ESRRG: variants seen among roughly 807,000 people sequenced by gnomAD.
ESRRG encodes estrogen related receptor gamma.
A neutral mutation model predicts 44.0 loss-of-function variants in ESRRG; 13 were observed. That is an observed-to-expected ratio of 0.30 (90% CI 0.19 to 0.47). The LOEUF is 0.47. Among genes scored for constraint, ESRRG ranks in the 20% least tolerant of loss-of-function variants. The pLI is 1.00. For synonymous variants in ESRRG, 215 were observed against 214.6 expected, an observed-to-expected ratio of 1.00 and a Z score of -0.02; for missense variants, 395 against 580.6, an observed-to-expected ratio of 0.68 and a Z score of 3.29.
chr1:217,113,820 T>C (rs898443603), intron 1 of ESRRG, among the ~76,000 whole-genome samples: 1 of 152,032 alleles, frequency 6.6e-6, no homozygotes, highest in Admixed American at 6.6e-5. Flanking sequence ...TGAGACTTCA[T>C]CTCTACAAAA....
chr1:216,780,999 T>C (rs2093913502), intron 2 of ESRRG, among the ~76,000 whole-genome samples: 1 of 152,072 alleles, frequency 6.6e-6, no homozygotes, highest in Non-Finnish European at 1.5e-5. Context: ...AATTTCAAAA[T>C]AAATAATTTT....
chr1:216,733,078 A>T (rs756319033), intron 2 of ESRRG, among the ~76,000 whole-genome samples: 9,464 of 152,152 alleles, frequency 0.062, 367 homozygotes, highest in African/African-American at 0.091. Flanking sequence ...AAAAAAAAAA[A>T]AATTCAACTT....
intron 2 of ESRRG, among the ~76,000 whole-genome samples, chr1:216,673,661 T>C (rs1028836878): frequency 5.2e-5 from 8 of 152,396 alleles, no homozygotes; most frequent in Non-Finnish European, 5.9e-5. Flanking sequence ...TTCTAATTAT[T>C]GCTCAGTAAA....
chr1:217,029,708 C>T (rs1361325148), intron 1 of ESRRG, among the ~76,000 whole-genome samples: 2 of 152,092 alleles, frequency 1.3e-5, no homozygotes, highest in African/African-American at 4.8e-5. Flanking sequence ...CAGAAACAAT[C>T]TATTCTAGGG....
chr1:216,679,210 A>T (rs2076605739), intron 1 of ESRRG, among the ~76,000 whole-genome samples: 1 of 152,166 alleles, frequency 6.6e-6, no homozygotes, highest in South Asian at 2.1e-4. Context: ...GAAAGAAAAA[A>T]ATATCCCCCT....
chr1:216,577,190 C>T lies in ESRRG; in HGVS notation c.590-9092G>A, dbSNP rs149213116. Among the ~76,000 whole-genome samples, 1,471 of 150,828 alleles carry T rather than the reference C, an allele frequency of 9.8e-3. 11 individuals are homozygous for T. Among genetic ancestry groups the T allele is most frequent in the Middle Eastern group, 0.014 (4 of 292 alleles). Reference sequence around the variant, plus strand: ...GAGGGAGAGAGAGAGAGAGAGAGAACGAGAATGAGAAGATGCTTGGCCTGC... The same window carrying T: ...GAGGGAGAGAGAGAGAGAGAGAGAATGAGAATGAGAAGATGCTTGGCCTGC... On this transcript the variant is annotated intron_variant, in intron 3 of 6. Transcript: ENST00000408911.
At chr1:216,534,360 G>T (rs1321970299) in intron 5 of ESRRG, among the ~76,000 whole-genome samples, 11 of 152,098 alleles carry the variant, frequency 7.2e-5, no homozygotes, top group Admixed American at 6.5e-4. Context: ...ATATCCTAAT[G>T]TCTATTTCAG....
At chr1:216,648,442 C>T (rs566933945) in intron 3 of ESRRG, among the ~76,000 whole-genome samples, 16 of 152,056 alleles carry the variant, frequency 1.1e-4, no homozygotes, top group Non-Finnish European at 2.4e-4. Context: ...AAAACAGATA[C>T]TTGCTTGATA....
At chr1:216,915,234 C>T (rs1462320855) in intron 2 of ESRRG, among the ~76,000 whole-genome samples, 1 of 152,110 alleles carries the variant, frequency 6.6e-6, no homozygotes, top group Non-Finnish European at 1.5e-5. Context: ...CTGTGTGGGG[C>T]AACTTGAAGA....
chr1:216,980,584 T>C (rs1025647), intron 1 of ESRRG, among the ~76,000 whole-genome samples: 126,404 of 152,044 alleles, frequency 0.83, 52,680 homozygotes, highest in East Asian at 1. Context: ...TTACCCACAT[T>C]ATCTCATCCA....
chr1:216,965,219 C>A (rs932337235), intron 1 of ESRRG, among the ~76,000 whole-genome samples: 4 of 151,616 alleles, frequency 2.6e-5, no homozygotes, highest in African/African-American at 7.3e-5. Flanking sequence ...TTAAATCCCT[C>A]AGGACACATC....
rs570841731 is a variant in ESRRG at position 216,718,169 on chromosome 1, C to A, written c.56+5075G>T. 2.1e-3 allele frequency among the ~76,000 whole-genome samples: 314 copies of A among 151,874 alleles called. 1 individual carries two copies. The highest frequency in any genetic ancestry group is 7.3e-3 in the African/African-American group (305 of 41,512). Reference sequence around the variant, plus strand: ...TCAGATCTGTAAATACCTGAAATACCAATTCCAGGTTAAAATCATGCCTGG... The same window carrying A: ...TCAGATCTGTAAATACCTGAAATACAAATTCCAGGTTAAAATCATGCCTGG... On this transcript the variant is annotated intron_variant, in intron 1 of 6. Transcript: ENST00000408911.
chr1:216,553,640 G>A (rs1015768720), intron 5 of ESRRG, among the ~76,000 whole-genome samples: 1 of 152,022 alleles, frequency 6.6e-6, no homozygotes, highest in South Asian at 2.1e-4. Context: ...CATGGATGGG[G>A]TTTATTCATT....
intron 2 of ESRRG, among the ~76,000 whole-genome samples, chr1:216,803,367 A>T (rs2094684361): frequency 6.6e-6 from 1 of 152,166 alleles, no homozygotes; most frequent in Non-Finnish European, 1.5e-5. Context: ...CTTAAAACAA[A>T]GGCTCAGTAG....
At position 216,664,369 on chromosome 1, in the gene ESRRG, G is replaced by A. The variant is rs115253847; in HGVS notation, c.472+12707C>T. Among the ~76,000 whole-genome samples, 1,465 of 151,578 alleles carry A rather than the reference G, an allele frequency of 9.7e-3. 26 individuals carry two copies. Among genetic ancestry groups the A allele is most frequent in the African/African-American group, 0.033 (1,387 of 41,424 alleles). ...TTCATTGGGATGATTAAAGAAATGA[G>A]ATAATTAATGTAAAGCACATAGAAC... is the stretch of plus-strand genomic sequence containing the variant. On this transcript the variant is annotated intron_variant, in intron 2 of 6. Coordinates refer to ENST00000408911, the MANE Select transcript of ESRRG (RefSeq NM_001438.4).
chr1:217,056,945 G>A (rs758576656), intron 1 of ESRRG, among the ~76,000 whole-genome samples: 3 of 151,982 alleles, frequency 2.0e-5, no homozygotes, highest in Non-Finnish European at 4.4e-5. Context: ...GAGTTCAATG[G>A]GCCACTGTGA....
intron 2 of ESRRG, among the ~76,000 whole-genome samples, chr1:216,880,161 G>A (rs2096420350): frequency 6.6e-6 from 1 of 151,414 alleles, no homozygotes; most frequent in Non-Finnish European, 1.5e-5. Context: ...ACAAAAATTA[G>A]CCAGGCATGG....
intron 2 of ESRRG, among the ~76,000 whole-genome samples, chr1:216,916,979 G>A (rs913124439): frequency 2.0e-5 from 3 of 147,076 alleles, no homozygotes; most frequent in African/African-American, 7.6e-5. Context: ...CAGTGGCACC[G>A]TTCCGTTCAT....
intron 1 of ESRRG, among the ~76,000 whole-genome samples, chr1:217,061,824 G>T (rs1169667562): frequency 6.6e-6 from 1 of 152,038 alleles, no homozygotes; most frequent in African/African-American, 2.4e-5. Flanking sequence ...AATGAACTAA[G>T]AAATTATGCA....
Sources: gnomAD v4.1 joint callset for allele counts (sites outside exome capture counted in the v4.1 genomes callset) on GRCh38, gnomAD v4.1.1 for gene constraint, MANE v1.5 for transcripts, NCBI Gene and HGNC (gene_info 2026-07-23, HGNC 2026-07-21) for gene names.